MATCAP1: variants seen among roughly 807,000 people sequenced by gnomAD.
The protein encoded by MATCAP1 is microtubule-associated tyrosine carboxypeptidase 1.
the MATCAP1 span, chr16:67,179,255 G>A: frequency 2.1e-6 from 3 of 1,450,224 alleles, no homozygotes; most frequent in East Asian, 2.5e-5. This position sits in a 1 kb window ranked among gnomAD's most constrained non-coding sequence, Gnocchi z 5.2. Context: ...GCATGTTCTG[G>A]CCTACCTCTG....
chr16:67,178,146 C>A, the MATCAP1 span: 2 of 1,454,902 alleles, frequency 1.4e-6, no homozygotes, highest in East Asian at 4.7e-5. Context: ...GCCCCTCGCC[C>A]GAAGCCCCGC....
chr16:67,176,730 G>A, the MATCAP1 span: 31 of 1,326,124 alleles, frequency 2.3e-5, no homozygotes, highest in African/African-American at 4.6e-5. The surrounding 1 kb of genome is among the most constrained non-coding windows in gnomAD (Gnocchi z 4.3). Flanking sequence ...GGCCGTGGAC[G>A]CACAGAGCAA....
At chr16:67,179,475 CG>C in the MATCAP1 span, 1 of 1,612,682 alleles carries the variant, frequency 6.2e-7, no homozygotes, top group Non-Finnish European at 8.5e-7. The surrounding 1 kb of genome is among the most constrained non-coding windows in gnomAD (Gnocchi z 5.2). Flanking sequence ...TGGCGGGCTC[CG>C]GTCAGGTTGA....
chr16:67,178,879 A>G, the MATCAP1 span: 2 of 492,070 alleles, frequency 4.1e-6, no homozygotes, highest in Non-Finnish European at 7.7e-6. Context: ...ATCATCTTGA[A>G]CAGTCATGCT....
the MATCAP1 span, among the ~76,000 whole-genome samples, chr16:67,182,932 C>A: frequency 6.6e-6 from 1 of 152,172 alleles, no homozygotes; most frequent in African/African-American, 2.4e-5. Flanking sequence ...TGATAGTTAT[C>A]TGTTTTATCT....
the MATCAP1 span, chr16:67,177,993 G>C: frequency 6.2e-7 from 1 of 1,605,168 alleles, no homozygotes; most frequent in East Asian, 2.2e-5. Flanking sequence ...GACCTCTGAA[G>C]GTCCACAGCC....
chr16:67,176,581 G>A, the MATCAP1 span: 1 of 422,498 alleles, frequency 2.4e-6, no homozygotes, highest in Non-Finnish European at 4.2e-6. The surrounding 1 kb of genome is among the most constrained non-coding windows in gnomAD (Gnocchi z 4.3). Context: ...CTGGAGGCAG[G>A]AGGGCGACTC....
chr16:67,178,505 C>A, the MATCAP1 span: 1 of 1,524,202 alleles, frequency 6.6e-7, no homozygotes, highest in Non-Finnish European at 8.8e-7. Context: ...TAGTGGGTGC[C>A]TGCGGGGAAG....
chr16:67,178,994 A>G, the MATCAP1 span: 21 of 577,024 alleles, frequency 3.6e-5, no homozygotes, highest in Non-Finnish European at 4.6e-5. Flanking sequence ...CCCTGCCCAA[A>G]CTGGCCAGTC....
the MATCAP1 span, chr16:67,179,974 C>G: frequency 6.2e-7 from 1 of 1,614,112 alleles, no homozygotes; most frequent in Non-Finnish European, 8.5e-7. The surrounding 1 kb of genome is among the most constrained non-coding windows in gnomAD (Gnocchi z 5.2). Flanking sequence ...CACGGGGCCA[C>G]AGTGGCTGGT....
chr16:67,179,143 C>T, the MATCAP1 span: 1 of 1,236,922 alleles, frequency 8.1e-7, no homozygotes, highest in Non-Finnish European at 1.0e-6. The surrounding 1 kb of genome is among the most constrained non-coding windows in gnomAD (Gnocchi z 5.2). Context: ...CAGGGCCTGA[C>T]CAGCCTTGCC....
the MATCAP1 span, chr16:67,176,692 C>G: frequency 1.1e-6 from 1 of 944,166 alleles, no homozygotes; most frequent in Non-Finnish European, 1.5e-6. The surrounding 1 kb of genome is among the most constrained non-coding windows in gnomAD (Gnocchi z 4.3). Context: ...AATGCTCCTG[C>G]CCTCCCAACA....
the MATCAP1 span, chr16:67,176,444 G>T: frequency 5.7e-6 from 1 of 176,284 alleles, no homozygotes; most frequent in Non-Finnish European, 1.2e-5. This position sits in a 1 kb window ranked among gnomAD's most constrained non-coding sequence, Gnocchi z 4.3. Context: ...GGAAGGGAGA[G>T]ACTGGAGTAC....
the MATCAP1 span, chr16:67,178,232 C>A: frequency 1.9e-6 from 3 of 1,544,520 alleles, no homozygotes; most frequent in Non-Finnish European, 1.8e-6. Flanking sequence ...CCGCGCTTGG[C>A]GCGCACGCAG....
the MATCAP1 span, chr16:67,178,594 G>A: frequency 3.4e-6 from 4 of 1,165,888 alleles, no homozygotes; most frequent in Non-Finnish European, 4.9e-6. Context: ...ATCTGGCCGG[G>A]GCTCTGGCCG....
the MATCAP1 span, chr16:67,179,969 G>T: frequency 6.2e-7 from 1 of 1,614,132 alleles, no homozygotes; most frequent in Non-Finnish European, 8.5e-7. The surrounding 1 kb of genome is among the most constrained non-coding windows in gnomAD (Gnocchi z 5.2). Flanking sequence ...CTGTACACGG[G>T]GCCACAGTGG....
the MATCAP1 span, chr16:67,179,195 A>C: frequency 7.4e-7 from 1 of 1,351,078 alleles, no homozygotes; most frequent in Non-Finnish European, 9.5e-7. This position sits in a 1 kb window ranked among gnomAD's most constrained non-coding sequence, Gnocchi z 5.2. Flanking sequence ...GAGAGAGAAA[A>C]ATATACCCGA....
chr16:67,180,668 TG>T, the MATCAP1 span: 1 of 1,308,084 alleles, frequency 7.6e-7, no homozygotes, highest in Admixed American at 2.6e-5. Flanking sequence ...TGTCGACCTC[TG>T]GGGACACAGA....
the MATCAP1 span, chr16:67,178,278 C>T: frequency 6.4e-7 from 1 of 1,573,694 alleles, no homozygotes; most frequent in Non-Finnish European, 8.6e-7. Flanking sequence ...GCACGTAGCG[C>T]TCCAGGTCCT....
Sources: allele counts gnomAD v4.1 joint callset (sites outside exome capture counted in the v4.1 genomes callset), GRCh38; gene constraint gnomAD v4.1.1; non-coding constraint Gnocchi (gnomAD v3.1); transcripts MANE v1.5; gene names NCBI Gene and HGNC (gene_info 2026-07-23, HGNC 2026-07-21).